ADAMTSL1: variants seen among roughly 807,000 people sequenced by gnomAD.
ADAMTSL1 encodes ADAMTS like 1.
A neutral mutation model predicts 201.8 loss-of-function variants in ADAMTSL1; 126 were observed. The ratio of observed to expected loss-of-function variants is 0.62; its 90% CI spans 0.54 to 0.72. The LOEUF (loss-of-function observed/expected upper bound fraction) is 0.72. Among genes scored for constraint, ADAMTSL1 ranks in the 30% least tolerant of loss-of-function variants. ADAMTSL1 has a pLI of 0.00. For missense variants in ADAMTSL1, 2,679 were observed against 2,277.8 expected (o/e 1.18, Z -3.59); for synonymous variants, 1,121 against 903.4 (o/e 1.24, Z -4.32).
intron 2 of ADAMTSL1, among the ~76,000 whole-genome samples, chr9:18,403,161 T>C (rs1163871214): frequency 1.3e-5 from 2 of 152,046 alleles, no homozygotes; most frequent in Non-Finnish European, 2.9e-5. Context: ...GTAATCTTTT[T>C]TTTTTTATTT....
At chr9:18,127,426 A>G (rs1825778753) in intron 1 of ADAMTSL1, among the ~76,000 whole-genome samples, 1 of 151,688 alleles carries the variant, frequency 6.6e-6, no homozygotes, top group South Asian at 2.1e-4. Flanking sequence ...AGAATTTTTA[A>G]CAAATGGAGT....
chr9:18,314,882 C>T (rs1374324769), intron 2 of ADAMTSL1, among the ~76,000 whole-genome samples: 6 of 144,078 alleles, frequency 4.2e-5, no homozygotes, highest in East Asian at 4.1e-4. Flanking sequence ...CTGCAAGCTC[C>T]GCCTCCCGGG....
intron 1 of ADAMTSL1, among the ~76,000 whole-genome samples, chr9:18,064,072 C>T (rs574624929): frequency 6.6e-6 from 1 of 152,250 alleles, no homozygotes; most frequent in East Asian, 1.9e-4. Flanking sequence ...AACAGGGAAA[C>T]ACAGATGCTC....
At chr9:18,770,543 G>A (rs776810281) in intron 16 of ADAMTSL1, 59 bp from the exon 17 acceptor site, 6 of 1,498,996 alleles carry the variant, frequency 4.0e-6, no homozygotes, top group Non-Finnish European at 5.4e-6. Flanking sequence ...AGAATTAGCA[G>A]TCAGACTGCC....
chr9:18,000,782 C>T (rs567007662), intron 1 of ADAMTSL1, among the ~76,000 whole-genome samples: 1 of 152,204 alleles, frequency 6.6e-6, no homozygotes, highest in Admixed American at 6.5e-5. Flanking sequence ...AAGGATCTGG[C>T]TCTGCAGATG....
At chr9:18,256,011 C>A (rs149787590) in intron 2 of ADAMTSL1, among the ~76,000 whole-genome samples, 1,722 of 152,332 alleles carry the variant, frequency 0.011, 27 homozygotes, top group African/African-American at 0.039. Flanking sequence ...ACAACATTAT[C>A]TTTGGCAATC....
intron 1 of ADAMTSL1, among the ~76,000 whole-genome samples, chr9:17,999,922 A>G (rs1819544759): frequency 6.7e-6 from 1 of 149,128 alleles, no homozygotes; most frequent in South Asian, 2.1e-4. Flanking sequence ...TGTCCCTACA[A>G]AGGACATGAA....
chr9:18,897,210 T>C (rs1829697006), intron 26 of ADAMTSL1, among the ~76,000 whole-genome samples: 1 of 152,230 alleles, frequency 6.6e-6, no homozygotes, highest in Admixed American at 6.5e-5. Flanking sequence ...TACTAACAGA[T>C]GTCTGATCTC....
chr9:18,125,029 C>T (rs1825673525), intron 1 of ADAMTSL1, among the ~76,000 whole-genome samples: 1 of 152,056 alleles, frequency 6.6e-6, no homozygotes, highest in Non-Finnish European at 1.5e-5. Flanking sequence ...CCATCTCTTG[C>T]TGTTAAAAAA....
At chr9:18,389,950 A>G (rs1837975578) in intron 2 of ADAMTSL1, among the ~76,000 whole-genome samples, 1 of 152,190 alleles carries the variant, frequency 6.6e-6, no homozygotes, top group East Asian at 1.9e-4. Context: ...ATTCACCTAT[A>G]GCTTGCATTG....
At chr9:18,524,285 T>G (rs202219602) in intron 2 of ADAMTSL1, among the ~76,000 whole-genome samples, 7 of 152,178 alleles carry the variant, frequency 4.6e-5, no homozygotes, top group South Asian at 2.1e-4. Flanking sequence ...TTTGCATATT[T>G]ATTTTGTATC....
intron 7 of ADAMTSL1, among the ~76,000 whole-genome samples, chr9:18,647,667 G>C (rs1235303125): frequency 4.6e-5 from 7 of 151,060 alleles, no homozygotes; most frequent in Non-Finnish European, 1.0e-4. Flanking sequence ...TCAGGAGCAG[G>C]TTGTTCAGTT....
intron 1 of ADAMTSL1, among the ~76,000 whole-genome samples, chr9:17,937,090 G>GTGCC (rs1488977912): frequency 1.3e-5 from 2 of 152,092 alleles, no homozygotes; most frequent in African/African-American, 2.4e-5. Flanking sequence ...GCTGTTGTTG[G>GTGCC]TGCCTCATCC....
intron 1 of ADAMTSL1, among the ~76,000 whole-genome samples, chr9:18,047,240 A>C (rs1319579771): frequency 6.6e-6 from 1 of 152,176 alleles, no homozygotes; most frequent in African/African-American, 2.4e-5. Context: ...AATGATTATT[A>C]ATTAGTTAAT....
chr9:18,694,038 C>T (rs1465916507), intron 13 of ADAMTSL1, among the ~76,000 whole-genome samples: 3 of 152,118 alleles, frequency 2.0e-5, no homozygotes, highest in African/African-American at 7.2e-5. Flanking sequence ...GAAGGGGAAG[C>T]AGGCACATCT....
chr9:18,715,917 C>T (rs1238501308), intron 14 of ADAMTSL1, among the ~76,000 whole-genome samples: 1 of 151,656 alleles, frequency 6.6e-6, no homozygotes, highest in Non-Finnish European at 1.5e-5. Flanking sequence ...GAACAGAGCC[C>T]TCAGAAATAA....
chr9:18,204,236 G>A (rs1473936890), intron 2 of ADAMTSL1, among the ~76,000 whole-genome samples: 1 of 152,126 alleles, frequency 6.6e-6, no homozygotes, highest in African/African-American at 2.4e-5. Flanking sequence ...ACCAGGTGGA[G>A]GTAATTGGAT....
In ADAMTSL1 at chr9:18,830,080, G is replaced by A. The variant is rs562601083; in HGVS notation, c.4249+103G>A. ...GGGAAGGAGGCAGCAGTCGGGGGTG[G>A]CCAACAGGGAATCACTAAATTGCCT... is the stretch of plus-strand genomic sequence containing the variant. On this transcript the variant is annotated intron_variant, in intron 23 of 28. Transcript: ENST00000380548. 18 of 1,446,412 alleles carry A rather than the reference G, an allele frequency of 1.2e-5. No individual in the cohort carries two copies. The East Asian group carries it at 4.0e-4, about 32-fold the overall frequency. The allele number at this position is 1,446,412 out of a possible 1,614,324, so 89.6% of individuals were successfully genotyped here. A position where few individuals can be genotyped will look rare whatever the true frequency, so the allele number is the denominator to read the frequency against.
chr9:18,564,324 C>G (rs1308487985), intron 3 of ADAMTSL1, among the ~76,000 whole-genome samples: 1 of 152,146 alleles, frequency 6.6e-6, no homozygotes, highest in African/African-American at 2.4e-5. Flanking sequence ...CTTGGGCTCA[C>G]CCTCCGTGGA....
Sources: gnomAD v4.1 joint callset for allele counts (sites outside exome capture counted in the v4.1 genomes callset) on GRCh38, gnomAD v4.1.1 for gene constraint, MANE v1.5 for transcripts, NCBI Gene and HGNC (gene_info 2026-07-23, HGNC 2026-07-21) for gene names.